Variants in LINGO2 observed in about 807,000 individuals in gnomAD.
The protein encoded by LINGO2 is leucine rich repeat and Ig domain containing 2.
Under a neutral mutation model 30.6 loss-of-function variants are expected in LINGO2, and 14 were observed. That is an observed-to-expected ratio of 0.46 (90% confidence interval 0.30 to 0.72). LINGO2 has a LOEUF of 0.72. Among genes scored for constraint, LINGO2 ranks in the 30% least tolerant of loss-of-function variants. The pLI, the probability that LINGO2 is intolerant of heterozygous loss-of-function variation, is 0.07. For missense variants in LINGO2, 729 were observed against 751.7 expected, an observed-to-expected ratio of 0.97 and a Z score of 0.35; for synonymous variants, 317 against 288.5, an observed-to-expected ratio of 1.10 and a Z score of -1.00.
At position 28,151,405 on chromosome 9, in the gene LINGO2, A is replaced by T. The variant is rs187072461; in HGVS notation, c.-86-139000T>A. Among the ~76,000 whole-genome samples the T allele has an allele frequency of 1.4e-3, 217 of 152,062 alleles. 1 individual carries two copies. Among genetic ancestry groups the T allele is most frequent in the South Asian group, 6.9e-3 (33 of 4,800 alleles). ...ACTAAATGTGAATTTATATTTATAC[A>T]TACACACATATATACAAATTATATA... On this transcript the variant is annotated intron_variant, in intron 4 of 5. Transcript: ENST00000379992.
the LINGO2 span, among the ~76,000 whole-genome samples, chr9:28,763,705 G>T: frequency 6.6e-6 from 1 of 151,310 alleles, no homozygotes. Flanking sequence ...ATTAAATAGA[G>T]AATCTATAAG....
chr9:28,717,342 TAAA>T, the LINGO2 span, among the ~76,000 whole-genome samples: 7 of 112,304 alleles, frequency 6.2e-5, no homozygotes, highest in Admixed American at 8.8e-5. Context: ...GACCCTAATC[TAAA>T]AAAAAAAAAA....
At chr9:29,108,062 C>A in the LINGO2 span, among the ~76,000 whole-genome samples, 1 of 152,090 alleles carries the variant, frequency 6.6e-6, no homozygotes, top group Non-Finnish European at 1.5e-5. Flanking sequence ...GAAGGCACTG[C>A]AAAACTAAAT....
rs184496838 is a variant in LINGO2, at chr9:28,404,896, C to T, written c.-278-32028G>A. The stretch of plus-strand genomic sequence containing the variant: ...CTGCTGTTAAAACTAGAGGCTCAGC[C>T]GCTTTGTGTGTGTGTGTGTGTGTGT... On this transcript the variant is annotated intron_variant, in intron 2 of 5. Transcript: ENST00000379992. 8.1e-3 allele frequency among the ~76,000 whole-genome samples: 419 copies of T among 51,468 alleles called. 4 individuals carry two copies. The highest frequency in any genetic ancestry group is 0.03 in the African/African-American group (387 of 12,804). 33.8% of individuals were successfully genotyped at this position (51,468 alleles called of 152,430 possible).
chr9:28,316,953 A>G (rs1276624424), intron 3 of LINGO2, among the ~76,000 whole-genome samples: 1 of 152,198 alleles, frequency 6.6e-6, no homozygotes, highest in East Asian at 1.9e-4. Context: ...TCAGTTGAGT[A>G]CATGCTACAT....
chr9:28,614,792 C>A (rs1826066348), intron 1 of LINGO2, among the ~76,000 whole-genome samples: 1 of 152,000 alleles, frequency 6.6e-6, no homozygotes, highest in Non-Finnish European at 1.5e-5. Context: ...TAACCTTAGC[C>A]TAGTTAATTT....
At chr9:28,801,065 C>T in the LINGO2 span, among the ~76,000 whole-genome samples, 2 of 152,060 alleles carry the variant, frequency 1.3e-5, no homozygotes, top group African/African-American at 4.8e-5. Flanking sequence ...TACAGTGGTC[C>T]AGTTCATTTC....
the LINGO2 span, among the ~76,000 whole-genome samples, chr9:29,080,805 G>C: frequency 6.6e-6 from 1 of 152,100 alleles, no homozygotes; most frequent in Non-Finnish European, 1.5e-5. Context: ...TGTGGTCTGA[G>C]AGACAGTTTG....
the LINGO2 span, among the ~76,000 whole-genome samples, chr9:28,993,410 G>T: frequency 6.6e-6 from 1 of 152,138 alleles, no homozygotes; most frequent in Non-Finnish European, 1.5e-5. Flanking sequence ...GGACCAGATG[G>T]AATCATAGCC....
chr9:28,008,009 C>T (rs879585600), intron 5 of LINGO2, among the ~76,000 whole-genome samples: 3 of 152,130 alleles, frequency 2.0e-5, no homozygotes, highest in South Asian at 2.1e-4. Context: ...AGATGACCAG[C>T]GCATGTTTAC....
chr9:28,761,885 T>C, the LINGO2 span, among the ~76,000 whole-genome samples: 1 of 152,000 alleles, frequency 6.6e-6, no homozygotes, highest in East Asian at 1.9e-4. Context: ...ATGTATGCAA[T>C]GGGTTGTCAT....
chr9:28,846,516 A>T, the LINGO2 span, among the ~76,000 whole-genome samples: 11,061 of 148,132 alleles, frequency 0.075, 1,277 homozygotes, highest in South Asian at 0.095. Context: ...TAAATAAAAA[A>T]TGACTAACTC....
At chr9:28,915,039 G>A in the LINGO2 span, among the ~76,000 whole-genome samples, 2 of 152,174 alleles carry the variant, frequency 1.3e-5, no homozygotes, top group African/African-American at 4.8e-5. Flanking sequence ...GGCTGAGGCA[G>A]GAGAATTGCT....
the LINGO2 span, among the ~76,000 whole-genome samples, chr9:29,201,878 G>C: frequency 6.6e-6 from 1 of 151,924 alleles, no homozygotes; most frequent in Admixed American, 6.6e-5. Flanking sequence ...AAACTAACAC[G>C]TCATGAGACG....
chr9:28,855,654 T>TACACACAC, the LINGO2 span, among the ~76,000 whole-genome samples: 1 of 151,478 alleles, frequency 6.6e-6, no homozygotes, highest in South Asian at 2.1e-4. Context: ...GCCCCAGACA[T>TACACACAC]ACACACACAC....
chr9:29,121,845 C>T, the LINGO2 span, among the ~76,000 whole-genome samples: 12 of 151,994 alleles, frequency 7.9e-5, no homozygotes, highest in Admixed American at 1.3e-4. Flanking sequence ...TGGAAACATT[C>T]GGGATCTCTG....
intron 3 of LINGO2, among the ~76,000 whole-genome samples, chr9:28,339,692 C>A (rs781575502): frequency 1.3e-5 from 2 of 152,084 alleles, no homozygotes; most frequent in African/African-American, 2.4e-5. Flanking sequence ...TAAATTTTTA[C>A]TTTAATTATC....
At chr9:28,254,082 A>C (rs1479569173) in intron 4 of LINGO2, among the ~76,000 whole-genome samples, 1 of 152,084 alleles carries the variant, frequency 6.6e-6, no homozygotes, top group Non-Finnish European at 1.5e-5. Flanking sequence ...TGGCCGTGTG[A>C]CAAGGACCCC....
the LINGO2 span, among the ~76,000 whole-genome samples, chr9:29,187,155 T>C: frequency 6.6e-6 from 1 of 152,148 alleles, no homozygotes; most frequent in African/African-American, 2.4e-5. Flanking sequence ...ATCACAGTCC[T>C]ACAATAAAAT....
Sources: allele counts gnomAD v4.1 joint callset (sites outside exome capture counted in the v4.1 genomes callset), GRCh38; gene constraint gnomAD v4.1.1; transcripts MANE v1.5; gene names NCBI Gene and HGNC (gene_info 2026-07-23, HGNC 2026-07-21).